Variants in PALM2AKAP2 observed in about 807,000 individuals in gnomAD.
The protein encoded by PALM2AKAP2 is PALM2-AKAP2 fusion protein.
PALM2AKAP2 carries 37 observed loss-of-function variants against 71.5 expected under a neutral mutation model. The ratio of observed to expected loss-of-function variants is 0.52; its 90% CI spans 0.40 to 0.68. PALM2AKAP2 has a LOEUF of 0.68. Ranked by LOEUF, PALM2AKAP2 falls within the 30% of genes least tolerant of loss-of-function variation. The pLI is 0.00. For missense variants in PALM2AKAP2, 1,224 were observed against 1,191.8 expected (o/e 1.03, Z -0.40); for synonymous variants, 468 against 478.8 (o/e 0.98, Z 0.29).
Position 109,899,843 on chromosome 9 carries a change from C to T in PALM2AKAP2, c.257+19162C>T, listed in dbSNP as rs140998095. Reference sequence around the variant, plus strand: ...CAAGTCTCAGCTGAGATACCACTTTCCCTGAGCCCTAAACCCTGGTTTAAT... The same window carrying T: ...CAAGTCTCAGCTGAGATACCACTTTTCCTGAGCCCTAAACCCTGGTTTAAT... On this transcript the variant is annotated intron_variant, in intron 3 of 9. Transcript: ENST00000302798. Among the ~76,000 whole-genome samples, 478 of 152,310 alleles carry T rather than the reference C, an allele frequency of 3.1e-3. 1 individual carries two copies. Among genetic ancestry groups the T allele is most frequent in the Admixed American group, 5.6e-3 (85 of 15,300 alleles).
intron 3 of PALM2AKAP2, among the ~76,000 whole-genome samples, chr9:109,903,756 C>T (rs570080625): frequency 2.3e-3 from 344 of 152,118 alleles, no homozygotes; most frequent in Admixed American, 4.1e-3. Flanking sequence ...GCACATAAGC[C>T]GCTCCCACAT....
intron 1 of PALM2AKAP2, among the ~76,000 whole-genome samples, chr9:109,853,691 A>G (rs1178887821): frequency 1.3e-5 from 2 of 152,358 alleles, no homozygotes; most frequent in African/African-American, 4.8e-5. Flanking sequence ...TAAACTTGAA[A>G]GTGTTTGCTA....
At chr9:109,659,111 C>T (rs748906123) in intron 1 of PALM2AKAP2, among the ~76,000 whole-genome samples, 2 of 151,724 alleles carry the variant, frequency 1.3e-5, no homozygotes, top group Admixed American at 1.3e-4. Context: ...TATTTCATAT[C>T]CTAAAAATGG....
At chr9:109,699,830 A>C (rs1828027029) in intron 1 of PALM2AKAP2, among the ~76,000 whole-genome samples, 1 of 149,934 alleles carries the variant, frequency 6.7e-6, no homozygotes, top group African/African-American at 2.5e-5. Context: ...GCTGGAGTGC[A>C]GTGGGCATGA....
At chr9:110,164,932 C>G (rs986931159) in intron 3 of PALM2AKAP2, among the ~76,000 whole-genome samples, 1 of 152,148 alleles carries the variant, frequency 6.6e-6, no homozygotes, top group African/African-American at 2.4e-5. Flanking sequence ...GGACTCCTTA[C>G]AGCCATTGGG....
chr9:110,086,324 T>C (rs1265697163), intron 1 of PALM2AKAP2, among the ~76,000 whole-genome samples: 2 of 152,142 alleles, frequency 1.3e-5, no homozygotes, highest in African/African-American at 4.8e-5. Context: ...CTGGGCAGTA[T>C]AAAAGGTCTG....
chr9:109,923,904 A>G, intron 4 of PALM2AKAP2, 55 bp downstream of exon 4: 1 of 1,477,326 alleles, frequency 6.8e-7, no homozygotes, highest in Non-Finnish European at 9.0e-7. Context: ...AGTAGGGCCT[A>G]GCAAAATGGT....
intron 1 of PALM2AKAP2, among the ~76,000 whole-genome samples, chr9:109,664,059 G>A (rs557816319): frequency 6.6e-5 from 10 of 152,034 alleles, no homozygotes; most frequent in African/African-American, 1.4e-4. Flanking sequence ...TCCTCCATCC[G>A]TTTATTTTGA....
intron 1 of PALM2AKAP2, among the ~76,000 whole-genome samples, chr9:110,102,093 C>T (rs1307630470): frequency 6.6e-6 from 1 of 152,214 alleles, no homozygotes; most frequent in African/African-American, 2.4e-5. Flanking sequence ...CTTGTCTTAA[C>T]AGTGAACAGG....
chr9:109,837,030 G>A (rs1451626506), intron 1 of PALM2AKAP2, among the ~76,000 whole-genome samples: 15 of 151,998 alleles, frequency 9.9e-5, no homozygotes, highest in African/African-American at 2.4e-4. Context: ...TACAGAGAAC[G>A]CCACAAAGAT....
chr9:110,114,450 A>G lies in PALM2AKAP2; in HGVS notation c.157-21677A>G, dbSNP rs567175192. Among the ~76,000 whole-genome samples, 9 of 152,284 alleles carry G rather than the reference A, an allele frequency of 5.9e-5. No homozygotes were observed. The South Asian group carries it at 1.4e-3, about 25-fold the overall frequency. On this transcript the variant is annotated intron_variant, in intron 1 of 3. Coordinates refer to ENST00000374525, the Ensembl canonical transcript of PALM2AKAP2. ...TTACATTCTGAGGTTCCGGGTGGAC[A>G]TGAATTTTGGGGCGGGGCACTATTT...
At chr9:109,680,198 G>T (rs966661946) in intron 1 of PALM2AKAP2, among the ~76,000 whole-genome samples, 10 of 152,182 alleles carry the variant, frequency 6.6e-5, no homozygotes, top group Non-Finnish European at 1.5e-5. Context: ...TATATGGTTT[G>T]GTTTTGATTC....
At chr9:109,773,411 G>A (rs1829301783) in intron 1 of PALM2AKAP2, among the ~76,000 whole-genome samples, 1 of 152,154 alleles carries the variant, frequency 6.6e-6, no homozygotes, top group African/African-American at 2.4e-5. Context: ...TGCTGGGATT[G>A]TGGGCATGAG....
chr9:110,026,006 T>C (rs1164636111), intron 7 of PALM2AKAP2, among the ~76,000 whole-genome samples: 2 of 152,182 alleles, frequency 1.3e-5, no homozygotes, highest in Non-Finnish European at 2.9e-5. Context: ...CACTGCCCTC[T>C]CCACCACTAC....
intron 1 of PALM2AKAP2, among the ~76,000 whole-genome samples, chr9:109,682,696 G>C (rs931002284): frequency 6.6e-6 from 1 of 152,126 alleles, no homozygotes; most frequent in Non-Finnish European, 1.5e-5. Context: ...TTCTCTGTCA[G>C]GTTTCCAGAA....
At position 110,092,327 on chromosome 9, in the gene PALM2AKAP2, G is replaced by A. The variant is rs144202523; in HGVS notation, c.156+43472G>A. 2.5e-3 allele frequency among the ~76,000 whole-genome samples: 379 copies of A among 151,692 alleles called. 3 individuals carry two copies. Among genetic ancestry groups the A allele is most frequent in the African/African-American group, 8.7e-3 (360 of 41,418 alleles). Reference sequence around the variant, plus strand: ...AGTCTGAGTGACAGAGTGAGACTCCGCCTCAAAAAAAAAGAAGTAAGATCT... The same window carrying A: ...AGTCTGAGTGACAGAGTGAGACTCCACCTCAAAAAAAAAGAAGTAAGATCT... On this transcript the variant is annotated intron_variant, in intron 1 of 3. Coordinates refer to ENST00000374525, the Ensembl canonical transcript of PALM2AKAP2.
At chr9:110,057,473 G>A (rs10980168) in intron 1 of PALM2AKAP2, among the ~76,000 whole-genome samples, 8,354 of 150,464 alleles carry the variant, frequency 0.056, 362 homozygotes, top group East Asian at 0.19. Flanking sequence ...CTGCCTCCCC[G>A]GTTCAAGCGA....
chr9:110,002,865 A>G (rs1449156436), intron 6 of PALM2AKAP2, among the ~76,000 whole-genome samples: 1 of 152,140 alleles, frequency 6.6e-6, no homozygotes, highest in Non-Finnish European at 1.5e-5. Flanking sequence ...TTTCTGTAGG[A>G]TTGGTGGTGA....
At chr9:109,683,891 TG>T (rs545605188) in intron 1 of PALM2AKAP2, among the ~76,000 whole-genome samples, 222 of 152,220 alleles carry the variant, frequency 1.5e-3, no homozygotes, top group African/African-American at 5.0e-3. Flanking sequence ...TAGTGTATAT[TG>T]GTTATATTAT....
Sources: allele counts gnomAD v4.1 joint callset (sites outside exome capture counted in the v4.1 genomes callset), GRCh38; gene constraint gnomAD v4.1.1; transcripts MANE v1.5; gene names NCBI Gene and HGNC (gene_info 2026-07-23, HGNC 2026-07-21).